The following CREB3L2 variants were observed in gnomAD, a reference collection of about 807,000 sequenced individuals.
CREB3L2 encodes the protein cyclic AMP-responsive element-binding protein 3-like protein 2.
CREB3L2 carries 23 observed loss-of-function variants against 57.2 expected under a neutral mutation model. That is an observed-to-expected ratio of 0.40 (90% CI 0.29 to 0.57). The LOEUF is 0.57. CREB3L2 is among the 20% of genes least tolerant of loss of function. The probability of loss-of-function intolerance (pLI) is 0.42; values close to 1 mark genes in which losing one functional copy is unlikely to be tolerated. For synonymous variants in CREB3L2, 268 were observed against 265.1 expected (o/e 1.01, Z -0.11); for missense variants, 628 against 634.7 (o/e 0.99, Z 0.11).
Position 137,876,141 on chromosome 7 carries a change from C to T in CREB3L2, c.*4335G>A, listed in dbSNP as rs992112320. Reference sequence around the variant, plus strand: ...ATTTCTTTTCTCCTGATGTGCAAATCTGATAGTGGCTCACTTTTAGGAAAC... The same window carrying T: ...ATTTCTTTTCTCCTGATGTGCAAATTTGATAGTGGCTCACTTTTAGGAAAC... On this transcript the variant is annotated 3_prime_UTR_variant, in exon 12 of 12. Coordinates refer to ENST00000330387, the MANE Select transcript of CREB3L2 (RefSeq NM_194071.4). The T allele has an allele frequency of 8.6e-6, 2 of 232,684 alleles. No individual in the cohort carries two copies. Among genetic ancestry groups the T allele is most frequent in the Non-Finnish European group, 1.7e-5 (2 of 117,542 alleles). The allele number at this position is 232,684 out of a possible 1,614,324, so 14.4% of individuals were successfully genotyped here. A position where few individuals can be genotyped will look rare whatever the true frequency, so the allele number is the denominator to read the frequency against.
At chr7:137,912,799 G>A (rs1326656998) in intron 4 of CREB3L2, 192 bp downstream of exon 4, 5 of 1,480,612 alleles carry the variant, frequency 3.4e-6, no homozygotes, top group Non-Finnish European at 3.6e-6. Flanking sequence ...TGCATATATG[G>A]GAAAATAATA....
At position 137,880,324 on chromosome 7, in the gene CREB3L2, G is replaced by A. The variant is rs572511961; in HGVS notation, c.*152C>T. On this transcript the variant is annotated 3_prime_UTR_variant, in exon 12 of 12. Coordinates refer to ENST00000330387, the MANE Select transcript of CREB3L2 (RefSeq NM_194071.4). The surrounding 1 kb of genome is among the most constrained non-coding windows in gnomAD (Gnocchi z 4.0). ...AGGGGGAGATGCTCTCTCACTGCAG[G>A]GAAGTCCCAGGCTGGTCTCCAATCT... The A allele has an allele frequency of 3.0e-6, 2 of 659,758 alleles. No individual in the cohort carries two copies. The highest frequency in any genetic ancestry group is 1.8e-5 in the African/African-American group (1 of 55,566). 40.9% of individuals were successfully genotyped at this position (659,758 alleles called of 1,614,324 possible). A position where few individuals can be genotyped will look rare whatever the true frequency, so the allele number is the denominator to read the frequency against.
intron 1 of CREB3L2, among the ~76,000 whole-genome samples, chr7:137,943,928 T>G (rs1800920159): frequency 1.3e-5 from 2 of 152,314 alleles, no homozygotes; most frequent in South Asian, 2.1e-4. Flanking sequence ...TAACGTTGAT[T>G]TAGGTTCTTT....
rs1799935748 is a variant in CREB3L2, at chr7:137,908,360, G to A, written c.660C>T (p.Pro220=). The A allele has an allele frequency of 7.9e-7, 1 of 1,260,922 alleles. No individual in the cohort carries two copies. The allele number at this position is 1,260,922 out of a possible 1,614,324, so 78.1% of individuals were successfully genotyped here. Reference sequence around the variant, plus strand: ...GGCTGAAGGGGTGCAGGCGTGGGTTGGGACTCAGGCTGCCCTCTGAGTCAC... The same window carrying A: ...GGCTGAAGGGGTGCAGGCGTGGGTTAGGACTCAGGCTGCCCTCTGAGTCAC... ...HGSDSEGSLS[P]NPRLHPFSLP... is the part of the protein sequence containing the mutation. The change falls in exon 5 of 12, where the codon CCC becomes CCT. Residue 220 remains proline (P), a synonymous_variant. Coordinates refer to ENST00000330387, the MANE Select transcript of CREB3L2 (RefSeq NM_194071.4).
chr7:137,942,205 T>C (rs527782982), intron 1 of CREB3L2, among the ~76,000 whole-genome samples: 9 of 152,350 alleles, frequency 5.9e-5, no homozygotes, highest in East Asian at 3.9e-4. Flanking sequence ...ATTCAAACTT[T>C]TATGAAGGAA....
chr7:137,974,070 A>G (rs1475972416), intron 1 of CREB3L2, among the ~76,000 whole-genome samples: 1 of 151,482 alleles, frequency 6.6e-6, no homozygotes, highest in Non-Finnish European at 1.5e-5. Context: ...AAAAAAATCA[A>G]CCTCCTTGTG....
chr7:137,954,873 G>C (rs1801177449), intron 1 of CREB3L2, among the ~76,000 whole-genome samples: 2 of 152,056 alleles, frequency 1.3e-5, no homozygotes, highest in Admixed American at 1.3e-4. Context: ...ACCTACAAAG[G>C]AATAGAAAGA....
At chr7:137,957,856 A>T in intron 1 of CREB3L2, 1 of 1,049,234 alleles carries the variant, frequency 9.5e-7, no homozygotes, top group Non-Finnish European at 1.3e-6. Flanking sequence ...CTTCAGATGC[A>T]TTCCTACTAA....
intron 2 of CREB3L2, among the ~76,000 whole-genome samples, chr7:137,925,284 C>G (rs980625431): frequency 1.3e-5 from 2 of 152,102 alleles, no homozygotes; most frequent in Non-Finnish European, 2.9e-5. Flanking sequence ...TGTCATCACT[C>G]TTTTTCCAGG....
chr7:137,976,143 A>G (rs1357040488), intron 1 of CREB3L2, among the ~76,000 whole-genome samples: 1 of 152,258 alleles, frequency 6.6e-6, no homozygotes, highest in Non-Finnish European at 1.5e-5. Context: ...TATTGGGTTC[A>G]ATATGGATAT....
intron 1 of CREB3L2, among the ~76,000 whole-genome samples, chr7:137,973,175 GAA>G (rs56720528): frequency 0.023 from 3,015 of 129,814 alleles, 90 homozygotes; most frequent in African/African-American, 0.073. Flanking sequence ...TAATAATAAT[GAA>G]AAAAAAAAAA....
chr7:137,951,777 T>C (rs979678713), intron 1 of CREB3L2, among the ~76,000 whole-genome samples: 2 of 151,882 alleles, frequency 1.3e-5, no homozygotes, highest in Non-Finnish European at 2.9e-5. Flanking sequence ...AACCCAGGAG[T>C]TCGAGACGAG....
chr7:137,982,065 C>T (rs1367606198), intron 1 of CREB3L2, among the ~76,000 whole-genome samples: 1 of 152,158 alleles, frequency 6.6e-6, no homozygotes, highest in Non-Finnish European at 1.5e-5. Flanking sequence ...GTGGTGGACA[C>T]CAGTGTGCAC....
intron 1 of CREB3L2, among the ~76,000 whole-genome samples, chr7:137,975,419 GAC>G (rs1585670954): frequency 6.6e-6 from 1 of 152,296 alleles, no homozygotes; most frequent in East Asian, 1.9e-4. Flanking sequence ...CAGGCGGGCT[GAC>G]ACACACTGCA....
chr7:137,901,790 A>C (rs1253018129), intron 7 of CREB3L2, among the ~76,000 whole-genome samples: 2 of 141,636 alleles, frequency 1.4e-5, no homozygotes, highest in African/African-American at 2.6e-5. Context: ...GAGGCAGGAG[A>C]ATCGCTTGAA....
At chr7:137,996,216 A>G (rs1397140642) in intron 1 of CREB3L2, among the ~76,000 whole-genome samples, 1 of 152,234 alleles carries the variant, frequency 6.6e-6, no homozygotes, top group Non-Finnish European at 1.5e-5. Flanking sequence ...AACATGTTAA[A>G]TCTTACTAAC....
rs1366077120 is a variant in CREB3L2 at position 137,928,197 on chromosome 7, G to C, written c.272C>G (p.Ala91Gly). 5 of 1,601,020 alleles carry C rather than the reference G, an allele frequency of 3.1e-6. No individual in the cohort carries two copies. The highest frequency in any genetic ancestry group is 4.3e-6 in the Non-Finnish European group (5 of 1,172,862). Residue 91 changes from alanine (A) to glycine (G), a missense_variant, in exon 2 of 12, where the codon GCC (alanine) becomes GGC (glycine). Around this residue, in one of 3 missense-constraint regions of CREB3L2, gnomAD observed 339 missense variants for 355.4 expected, o/e 0.95. Coordinates refer to ENST00000330387, the MANE Select transcript of CREB3L2 (RefSeq NM_194071.4). ...GGTAATGTGGGTGAAGGGCGACTGGGCCCGAGGCTCCTCGCACAGGGAGTA... is the reference window on the plus strand; with the variant it reads ...GGTAATGTGGGTGAAGGGCGACTGGCCCCGAGGCTCCTCGCACAGGGAGTA... ...HSYSLCEEPR[A>G]QSPFTHITTS...
intron 1 of CREB3L2, among the ~76,000 whole-genome samples, chr7:137,943,183 C>G (rs1424008456): frequency 1.3e-5 from 2 of 152,118 alleles, no homozygotes; most frequent in Admixed American, 6.5e-5. Context: ...GTCTCCCAGG[C>G]CCCCTGCGGC....
chr7:137,947,826 C>A (rs1297544136), intron 1 of CREB3L2, among the ~76,000 whole-genome samples: 1 of 152,316 alleles, frequency 6.6e-6, no homozygotes, highest in South Asian at 2.1e-4. Flanking sequence ...CCAGTCACAG[C>A]CTGGCTTGGC....
Sources: allele counts gnomAD v4.1 joint callset (sites outside exome capture counted in the v4.1 genomes callset), GRCh38; gene constraint gnomAD v4.1.1; regional missense constraint gnomAD v4.1.1; non-coding constraint Gnocchi (gnomAD v3.1); transcripts MANE v1.5; gene names NCBI Gene and HGNC (gene_info 2026-07-23, HGNC 2026-07-21).